Variants in HS6ST2 observed in about 807,000 individuals in gnomAD.
HS6ST2 encodes heparan-sulfate 6-O-sulfotransferase 2.
In HS6ST2, 17 loss-of-function variants were observed where a neutral mutation model predicts 33.0. The ratio of observed to expected loss-of-function variants is 0.52; its 90% CI spans 0.35 to 0.77. The LOEUF (loss-of-function observed/expected upper bound fraction) is 0.77, where lower values mean the gene tolerates loss of function less well. Among genes scored for constraint, HS6ST2 ranks in the 30% least tolerant of loss-of-function variants. The pLI is 0.01. For synonymous variants in HS6ST2, 248 were observed against 237.1 expected (o/e 1.05, Z -0.42); for missense variants, 519 against 551.7 (o/e 0.94, Z 0.59).
intron 2 of HS6ST2, among the ~76,000 whole-genome samples, chrX:132,873,188 T>C (rs2066080673): frequency 8.9e-6 from 1 of 112,096 alleles, no homozygotes; most frequent in Non-Finnish European, 1.9e-5. Context: ...TTTACTCTAT[T>C]ACTGCTACTG....
intron 4 of HS6ST2, among the ~76,000 whole-genome samples, chrX:132,648,320 G>A (rs2063662650): frequency 9.0e-6 from 1 of 111,055 alleles, no homozygotes; most frequent in Admixed American, 9.6e-5. Context: ...ACTTCCCGTG[G>A]GTCCCAGTGC....
chrX:132,909,521 T>C (rs2066511537), intron 2 of HS6ST2, among the ~76,000 whole-genome samples: 1 of 112,335 alleles, frequency 8.9e-6, no homozygotes, highest in Admixed American at 9.4e-5. Flanking sequence ...TGGAACTCTT[T>C]TTTAAAAACA....
chrX:132,909,505 A>C (rs1347839344), intron 2 of HS6ST2, among the ~76,000 whole-genome samples: 3 of 112,339 alleles, frequency 2.7e-5, no homozygotes, highest in Non-Finnish European at 5.6e-5. Flanking sequence ...ATTAAGAGCT[A>C]TTGATTGGAA....
At chrX:132,878,839 T>C (rs1004184545) in intron 2 of HS6ST2, among the ~76,000 whole-genome samples, 2 of 111,282 alleles carry the variant, frequency 1.8e-5, no homozygotes, top group African/African-American at 6.5e-5. Context: ...GACTCTAATA[T>C]AGAGCACCAC....
chrX:132,912,531 T>C (rs1283893804), intron 2 of HS6ST2, among the ~76,000 whole-genome samples: 1 of 112,961 alleles, frequency 8.9e-6, no homozygotes, highest in African/African-American at 3.2e-5. Context: ...TCATCTGTAG[T>C]TCATGGTACA....
intron 2 of HS6ST2, among the ~76,000 whole-genome samples, chrX:132,921,807 C>T (rs2066653091): frequency 8.9e-6 from 1 of 112,128 alleles, no homozygotes; most frequent in Admixed American, 9.5e-5. Flanking sequence ...TAGGAGTCAG[C>T]CCGGATCCCG....
rs1422473695 is a variant in HS6ST2, at chrX:132,816,458, C to A, written c.948-107964G>T. ...CTAATAGGAAAAGATGGTGTCACTA[C>A]TGTAATTAGTCTTCAGGTACAAAAT... On this transcript the variant is annotated intron_variant, in intron 2 of 4. Transcript: ENST00000370833. Among the ~76,000 whole-genome samples the A allele has an allele frequency of 4.5e-5, 5 of 111,868 alleles. No homozygotes were observed. The East Asian group carries it at 1.4e-3, about 31-fold the overall frequency.
At chrX:132,685,581 C>A (rs1254181938) in intron 3 of HS6ST2, among the ~76,000 whole-genome samples, 1 of 111,460 alleles carries the variant, frequency 9.0e-6, no homozygotes, top group South Asian at 3.8e-4. Flanking sequence ...ATACTGCTGG[C>A]GTTCACATTT....
At chrX:132,860,777 CTTTTTTTTTTTTTT>C (rs58059164) in intron 2 of HS6ST2, among the ~76,000 whole-genome samples, 1 of 52,896 alleles carries the variant, frequency 1.9e-5, no homozygotes, top group Non-Finnish European at 3.2e-5. Flanking sequence ...GCATGTGTAT[CTTTTTTTTTTTTTT>C]TTTTTTTTTT....
chrX:132,799,569 A>G (rs1029639736), intron 2 of HS6ST2, among the ~76,000 whole-genome samples: 3 of 108,644 alleles, frequency 2.8e-5, no homozygotes, highest in African/African-American at 1.0e-4. Flanking sequence ...TTTGGTAGAA[A>G]CAGGGTCTCA....
intron 2 of HS6ST2, among the ~76,000 whole-genome samples, chrX:132,893,921 T>C (rs912159190): frequency 9.0e-6 from 1 of 111,018 alleles, no homozygotes; most frequent in African/African-American, 3.3e-5. Flanking sequence ...CCCCACTGCA[T>C]CCCAGGAGCT....
chrX:132,927,525 G>A (rs1477854745), intron 2 of HS6ST2, among the ~76,000 whole-genome samples: 1 of 111,779 alleles, frequency 8.9e-6, no homozygotes, highest in Non-Finnish European at 1.9e-5. Context: ...TAGCCCATAA[G>A]TACAAGCAAC....
intron 2 of HS6ST2, among the ~76,000 whole-genome samples, chrX:132,862,099 C>G (rs1489973076): frequency 8.9e-6 from 1 of 111,745 alleles, no homozygotes; most frequent in African/African-American, 3.2e-5. Flanking sequence ...ACCAGTTTTT[C>G]CCAAGTCATT....
intron 2 of HS6ST2, among the ~76,000 whole-genome samples, chrX:132,739,979 C>T (rs2064553990): frequency 9.0e-6 from 1 of 110,861 alleles, no homozygotes; most frequent in African/African-American, 3.3e-5. Flanking sequence ...TAGACATAAA[C>T]AGTAGTGTCT....
chrX:132,815,705 A>G (rs1337165382), intron 2 of HS6ST2, among the ~76,000 whole-genome samples: 1 of 111,714 alleles, frequency 9.0e-6, no homozygotes, highest in Non-Finnish European at 1.9e-5. Flanking sequence ...TCTCAATATC[A>G]ACATTCTACG....
At chrX:132,904,256 T>A (rs1360053219) in intron 2 of HS6ST2, among the ~76,000 whole-genome samples, 1 of 112,184 alleles carries the variant, frequency 8.9e-6, no homozygotes, top group Non-Finnish European at 1.9e-5. Context: ...ATTTTTTTGA[T>A]TTGCCCTTCT....
chrX:132,659,795 T>C (rs1458153695), intron 4 of HS6ST2, among the ~76,000 whole-genome samples: 2 of 111,972 alleles, frequency 1.8e-5, no homozygotes, highest in Non-Finnish European at 3.8e-5. Flanking sequence ...AAAGGGCTAA[T>C]AACCCTTACT....
chrX:132,882,523 G>C (rs2148442568), intron 2 of HS6ST2, among the ~76,000 whole-genome samples: 1 of 104,000 alleles, frequency 9.6e-6, no homozygotes, highest in East Asian at 3.0e-4. Context: ...AGGACATTTT[G>C]GGCTGAGACG....
chrX:132,852,851 C>T (rs1235919423), intron 2 of HS6ST2, among the ~76,000 whole-genome samples: 1 of 111,958 alleles, frequency 8.9e-6, no homozygotes, highest in African/African-American at 3.2e-5. Flanking sequence ...TGAGATGAGG[C>T]CAACACACAG....
Sources: gnomAD v4.1 joint callset for allele counts (sites outside exome capture counted in the v4.1 genomes callset) on GRCh38, gnomAD v4.1.1 for gene constraint, MANE v1.5 for transcripts, NCBI Gene and HGNC (gene_info 2026-07-23, HGNC 2026-07-21) for gene names.